The following FSIP1 variants were observed in gnomAD, a reference collection of about 807,000 sequenced individuals.
FSIP1 encodes fibrous sheath interacting protein 1.
FSIP1 carries 65 observed loss-of-function variants against 60.9 expected under a neutral mutation model. The observed-to-expected ratio is 1.07, with a 90% CI of 0.87 to 1.31. The LOEUF (loss-of-function observed/expected upper bound fraction) is 1.31, where lower values mean the gene tolerates loss of function less well. Among genes scored for constraint, FSIP1 ranks in the 40% most tolerant of loss-of-function variants. The probability of loss-of-function intolerance (pLI) is 0.00; values close to 1 mark genes in which losing one functional copy is unlikely to be tolerated. For missense variants in FSIP1, 675 were observed against 665.5 expected, an observed-to-expected ratio of 1.01 and a Z score of -0.16; for synonymous variants, 209 against 221.2, an observed-to-expected ratio of 0.94 and a Z score of 0.49.
rs1890723563 is a variant in FSIP1, at chr15:39,603,707, G to GT, written c.1700-2782dup. On this transcript the variant is annotated intron_variant, in intron 11 of 11. Transcript: ENST00000350221. ...ATCACAAGACAATGTGGATGCAGCA[G>GT]TATCTTCGTTAAAAAGAAATTTAAG... is the stretch of plus-strand genomic sequence containing the variant. Among the ~76,000 whole-genome samples, 6 of 152,310 alleles carry GT rather than the reference G, an allele frequency of 3.9e-5. No homozygotes were observed. In the South Asian group the frequency reaches 1.2e-3, roughly 32 times the overall value.
In FSIP1 at chr15:39,707,277, T is replaced by G. The variant is rs117680486; in HGVS notation, c.1188+6167A>C. On this transcript the variant is annotated intron_variant, in intron 10 of 11. Transcript: ENST00000350221. ...TCCAACCTCCCCTGGGCTACCTGATTGTTTACCATTGCTTTTTTCTCATCT... is the reference window on the plus strand; with the variant it reads ...TCCAACCTCCCCTGGGCTACCTGATGGTTTACCATTGCTTTTTTCTCATCT... 4.3e-3 allele frequency among the ~76,000 whole-genome samples: 653 copies of G among 152,272 alleles called. 1 individual carries two copies. The highest frequency in any genetic ancestry group is 0.017 in the Middle Eastern group (5 of 294).
chr15:39,709,313 G>T (rs1225331063), intron 10 of FSIP1, among the ~76,000 whole-genome samples: 1 of 152,206 alleles, frequency 6.6e-6, no homozygotes, highest in African/African-American at 2.4e-5. Context: ...AGGCAAAACT[G>T]CAAAGTTGGC....
chr15:39,632,513 G>A (rs555068353), intron 10 of FSIP1, among the ~76,000 whole-genome samples: 2 of 152,154 alleles, frequency 1.3e-5, no homozygotes, highest in African/African-American at 4.8e-5. Flanking sequence ...TAACTGTCTT[G>A]GCCAGGCATG....
intron 11 of FSIP1, among the ~76,000 whole-genome samples, chr15:39,601,269 T>C (rs1890629892): frequency 6.6e-6 from 1 of 152,192 alleles, no homozygotes; most frequent in Non-Finnish European, 1.5e-5. Flanking sequence ...ATGTTATATG[T>C]AGAATAGATA....
rs991278929 is a variant in FSIP1 at position 39,619,964 on chromosome 15, A to G, written c.1189-1719T>C. 3.3e-5 allele frequency among the ~76,000 whole-genome samples: 5 copies of G among 152,320 alleles called. No individual in the cohort carries two copies. In the South Asian group the frequency reaches 1.0e-3, roughly 32 times the overall value. Reference sequence around the variant, plus strand: ...ATATGCTTGACCATTTCCAAAAGTAATATTGATATGATAGATGTTTGGCAG... The same window carrying G: ...ATATGCTTGACCATTTCCAAAAGTAGTATTGATATGATAGATGTTTGGCAG... On this transcript the variant is annotated intron_variant, in intron 10 of 11. Transcript: ENST00000350221.
chr15:39,747,021 C>A lies in FSIP1; in HGVS notation c.560-5121G>T, dbSNP rs57476212. On this transcript the variant is annotated intron_variant, in intron 5 of 11. Transcript: ENST00000350221. The stretch of plus-strand genomic sequence containing the variant: ...TGGGCTTCCCTCCTTCCCTCCTTCC[C>A]TCCTTCCCTCCTTCCCTCCTTCCAT... 1.3e-4 allele frequency among the ~76,000 whole-genome samples: 18 copies of A among 138,794 alleles called. No homozygotes were observed. In the East Asian group the frequency reaches 1.3e-3, roughly 10 times the overall value. The allele number at this position is 138,794 out of a possible 152,430, so 91.1% of individuals were successfully genotyped here.
intron 10 of FSIP1, among the ~76,000 whole-genome samples, chr15:39,667,436 G>C (rs190635096): frequency 6.6e-6 from 1 of 152,284 alleles, no homozygotes; most frequent in African/African-American, 2.4e-5. Context: ...CCCCAGGAGT[G>C]AGATGGAAAG....
At chr15:39,731,623 ATCAT>A (rs202048706) in intron 8 of FSIP1, among the ~76,000 whole-genome samples, 8 of 152,356 alleles carry the variant, frequency 5.3e-5, no homozygotes, top group African/African-American at 1.9e-4. Context: ...AAATGGCATC[ATCAT>A]TTTTTTCTAT....
At chr15:39,646,271 T>G (rs1892601917) in intron 10 of FSIP1, among the ~76,000 whole-genome samples, 1 of 151,964 alleles carries the variant, frequency 6.6e-6, no homozygotes, top group Non-Finnish European at 1.5e-5. Flanking sequence ...GTTCTAACAC[T>G]AAATAAAACT....
chr15:39,717,806 T>C (rs1481692668), intron 9 of FSIP1, among the ~76,000 whole-genome samples: 1 of 152,192 alleles, frequency 6.6e-6, no homozygotes, highest in Non-Finnish European at 1.5e-5. Flanking sequence ...AGCTTCTCCA[T>C]CAGGTCTTTA....
intron 3 of FSIP1, among the ~76,000 whole-genome samples, chr15:39,767,631 A>G (rs140787874): frequency 6.6e-6 from 1 of 152,206 alleles, no homozygotes; most frequent in African/African-American, 2.4e-5. Context: ...CGTACAAGAC[A>G]CAAGTGGCTG....
In FSIP1 at chr15:39,757,399, TTG is replaced by T. The variant is rs201013383; in HGVS notation, c.559+6420_559+6421del. Among the ~76,000 whole-genome samples the T allele has an allele frequency of 2.2e-4, 34 of 152,204 alleles. No individual in the cohort carries two copies. In the East Asian group the frequency reaches 6.6e-3, roughly 29 times the overall value. On this transcript the variant is annotated intron_variant, in intron 5 of 11. Transcript: ENST00000350221. Reference sequence around the variant, plus strand: ...CGTGGCATGAGGTCAAACTGGACTGTTGTGTTTCTAATTATTTCTTTCATACT... The same window carrying T: ...CGTGGCATGAGGTCAAACTGGACTGTTGTTTCTAATTATTTCTTTCATACT...
intron 10 of FSIP1, among the ~76,000 whole-genome samples, chr15:39,712,456 TA>T (rs1212921031): frequency 6.6e-6 from 1 of 151,830 alleles, no homozygotes; most frequent in Non-Finnish European, 1.5e-5. Flanking sequence ...AGAAGGGTGA[TA>T]AAAGTAGGGA....
At chr15:39,725,179 C>A (rs1316259801) in intron 9 of FSIP1, among the ~76,000 whole-genome samples, 1 of 152,114 alleles carries the variant, frequency 6.6e-6, no homozygotes, top group East Asian at 1.9e-4. Context: ...TGCAGTGAGC[C>A]GAGATCGCGC....
intron 10 of FSIP1, among the ~76,000 whole-genome samples, chr15:39,707,678 T>C (rs894902427): frequency 3.3e-5 from 5 of 152,208 alleles, no homozygotes; most frequent in African/African-American, 1.2e-4. Flanking sequence ...TTATATATAC[T>C]AATTTAAACT....
chr15:39,684,931 A>T (rs1195468095), intron 10 of FSIP1, among the ~76,000 whole-genome samples: 1 of 152,206 alleles, frequency 6.6e-6, no homozygotes, highest in Non-Finnish European at 1.5e-5. Flanking sequence ...TCACACAGCT[A>T]GTCCAGGGCA....
chr15:39,601,181 T>G (rs1050323226), intron 11 of FSIP1, among the ~76,000 whole-genome samples: 1 of 152,226 alleles, frequency 6.6e-6, no homozygotes, highest in African/African-American at 2.4e-5. Context: ...AAAATGATTA[T>G]GGATGTGGAG....
At chr15:39,638,896 A>G (rs1348323462) in intron 10 of FSIP1, among the ~76,000 whole-genome samples, 1 of 152,114 alleles carries the variant, frequency 6.6e-6, no homozygotes, top group Non-Finnish European at 1.5e-5. Context: ...CCATTTCAAT[A>G]GAAACTTTAA....
chr15:39,624,209 G>T (rs778423627), intron 10 of FSIP1, among the ~76,000 whole-genome samples: 79 of 152,084 alleles, frequency 5.2e-4, no homozygotes, highest in Non-Finnish European at 9.0e-4. Context: ...ACAGAACAGG[G>T]ATTCAAAAAT....
Sources: allele counts gnomAD v4.1 joint callset (sites outside exome capture counted in the v4.1 genomes callset), GRCh38; gene constraint gnomAD v4.1.1; transcripts MANE v1.5; gene names NCBI Gene and HGNC (gene_info 2026-07-23, HGNC 2026-07-21).